IL3RA: variants seen among roughly 807,000 people sequenced by gnomAD.
IL3RA encodes interleukin 3 receptor subunit alpha.
In IL3RA, 73 loss-of-function variants were observed where a neutral mutation model predicts 52.3. The ratio of observed to expected loss-of-function variants is 1.40; its 90% confidence interval spans 1.16 to 1.70. The LOEUF is 1.70. IL3RA is among the 40% of genes most tolerant of loss of function. IL3RA has a pLI of 0.00. For missense variants in IL3RA, 664 were observed against 504.4 expected (o/e 1.32, Z -3.03); for synonymous variants, 260 against 194.0 (o/e 1.34, Z -2.83).
intron 6 of IL3RA, among the ~76,000 whole-genome samples, chrX:1,355,471 A>AGGAGGGGGAGGAGGGGGG (rs1394651269): frequency 1.9e-5 from 1 of 52,418 alleles, no homozygotes; most frequent in Non-Finnish European, 3.8e-5. Context: ...GAGGAGGGGG[A>AGGAGGGGGAGGAGGGGGG]GGAGGAGGAG....
chrX:1,368,046 T>A (rs1281315128), intron 9 of IL3RA, among the ~76,000 whole-genome samples: 49 of 151,886 alleles, frequency 3.2e-4, no homozygotes, highest in Admixed American at 3.1e-3. Flanking sequence ...GATCACAAGG[T>A]CAGGAGATCG....
intron 9 of IL3RA, among the ~76,000 whole-genome samples, chrX:1,378,079 G>A (rs1392248953): frequency 6.0e-5 from 9 of 150,514 alleles, no homozygotes; most frequent in Non-Finnish European, 8.9e-5. Flanking sequence ...CCAGCTACTC[G>A]GGAGGCAGGG....
intron 2 of IL3RA, among the ~76,000 whole-genome samples, chrX:1,344,600 C>A (rs2085645380): frequency 6.7e-6 from 1 of 150,254 alleles, no homozygotes; most frequent in African/African-American, 2.5e-5. Context: ...TGGTGAAACC[C>A]CATCTCTAGT....
chrX:1,376,945 A>C (rs7391982), intron 9 of IL3RA, among the ~76,000 whole-genome samples: 32,343 of 98,978 alleles, frequency 0.33, 2,033 homozygotes, highest in African/African-American at 0.43. Context: ...CCTGGATCTC[A>C]GACCTCCAGC....
chrX:1,366,600 CGCG>C (rs2088074533), intron 9 of IL3RA, among the ~76,000 whole-genome samples: 1 of 21,898 alleles, frequency 4.6e-5, no homozygotes, highest in Non-Finnish European at 6.7e-5. Context: ...GTGCGCGGTG[CGCG>C]GGGTGAGCGG....
At chrX:1,368,146 C>G (rs1422030347) in intron 9 of IL3RA, among the ~76,000 whole-genome samples, 1 of 152,144 alleles carries the variant, frequency 6.6e-6, no homozygotes, top group East Asian at 1.9e-4. Context: ...GTAGTCCCAG[C>G]TACTCGGGAG....
intron 2 of IL3RA, among the ~76,000 whole-genome samples, chrX:1,343,458 A>G (rs1465420505): frequency 1.3e-5 from 2 of 151,638 alleles, no homozygotes; most frequent in African/African-American, 4.8e-5. Flanking sequence ...TGAGGTCAGG[A>G]GTTCAAAACC....
At chrX:1,353,500 C>T (rs1345275785) in intron 6 of IL3RA, among the ~76,000 whole-genome samples, 1 of 150,966 alleles carries the variant, frequency 6.6e-6, no homozygotes, top group South Asian at 2.1e-4. Flanking sequence ...CATGGGACCC[C>T]CCATCATGGG....
intron 9 of IL3RA, among the ~76,000 whole-genome samples, chrX:1,377,109 G>A (rs1293245942): frequency 6.6e-6 from 1 of 151,946 alleles, no homozygotes; most frequent in Non-Finnish European, 1.5e-5. Flanking sequence ...GGGACACGGA[G>A]AAGACGGGGT....
At chrX:1,343,953 G>A (rs1169639413) in intron 2 of IL3RA, among the ~76,000 whole-genome samples, 3 of 151,486 alleles carry the variant, frequency 2.0e-5, no homozygotes, top group Admixed American at 6.6e-5. Flanking sequence ...CCGCCACCAC[G>A]CCCAACTAAT....
intron 7 of IL3RA, among the ~76,000 whole-genome samples, chrX:1,357,871 G>A (rs1323495840): frequency 2.7e-5 from 4 of 150,234 alleles, no homozygotes; most frequent in Non-Finnish European, 5.9e-5. Context: ...GGGAGGCCGA[G>A]GCAGGACGAT....
chrX:1,378,244 T>A (rs1321994928), intron 9 of IL3RA, among the ~76,000 whole-genome samples: 12 of 147,718 alleles, frequency 8.1e-5, no homozygotes. Flanking sequence ...AATTCCATGA[T>A]AAACACAAAA....
At chrX:1,352,000 T>C in intron 4 of IL3RA, 100 bp from the exon 5 acceptor site, 1 of 1,438,178 alleles carries the variant, frequency 7.0e-7, no homozygotes, top group Non-Finnish European at 9.4e-7. Flanking sequence ...CCTGACCTCA[T>C]GTGATCCACC....
rs189568278 is a variant in IL3RA, at chrX:1,344,083, C to T, written c.65-1233C>T. Among the ~76,000 whole-genome samples, 215 of 152,142 alleles carry T rather than the reference C, an allele frequency of 1.4e-3. 2 individuals are homozygous for T. Among genetic ancestry groups the T allele is most frequent in the Admixed American group, 0.01 (153 of 15,252 alleles). Reference sequence around the variant, plus strand: ...TGCTGGGATGACGGGCGTGAGCCACCACGCCCGTTTGCTTTATGACTTCTA... The same window carrying T: ...TGCTGGGATGACGGGCGTGAGCCACTACGCCCGTTTGCTTTATGACTTCTA... On this transcript the variant is annotated intron_variant, in intron 2 of 11. Transcript: ENST00000331035.
chrX:1,356,196 CTAA>C lies in IL3RA; in HGVS notation c.617-24_617-22del, dbSNP rs751407671. 1.2e-4 allele frequency: 164 copies of C among 1,362,676 alleles called. 1 individual carries two copies. The highest frequency in any genetic ancestry group is 1.6e-4 in the Non-Finnish European group (155 of 968,360). 84.4% of individuals were successfully genotyped at this position (1,362,676 alleles called of 1,614,324 possible). ...AATTGATTTCTTGTACTCCTAAATC[CTAA>C]AAGTGTTTTTCTCGTTGCTAGAGAT... On this transcript the variant is annotated intron_variant, in intron 6 of 11. Coordinates refer to ENST00000331035, the MANE Select transcript of IL3RA (RefSeq NM_002183.4).
intron 9 of IL3RA, among the ~76,000 whole-genome samples, chrX:1,377,593 C>G (rs1343161725): frequency 6.6e-6 from 1 of 151,954 alleles, no homozygotes; most frequent in African/African-American, 2.4e-5. Flanking sequence ...TTATGGCAGT[C>G]CCAGCAGACA....
intron 6 of IL3RA, 57 bp downstream of exon 6, chrX:1,352,563 C>T (rs2086153685): frequency 1.1e-5 from 17 of 1,556,378 alleles, no homozygotes; most frequent in Admixed American, 1.8e-5. Flanking sequence ...ACGGCTTTAG[C>T]GCCAGGCCAG....
rs762521479 is a variant in IL3RA at position 1,348,289 on chromosome X, G to GC, written c.184-141dup. ...AATGGCTTGAACCCGGGAGGGAGAG[G>GC]CTGCAGTGAGCCGAGATCACGCCAC... is the stretch of plus-strand genomic sequence containing the variant. On this transcript the variant is annotated intron_variant, in intron 3 of 11. Transcript: ENST00000331035. The GC allele has an allele frequency of 5.3e-4, 370 of 692,716 alleles. 3 individuals are homozygous for GC. In the African/African-American group the frequency reaches 6.0e-3, roughly 11 times the overall value. The allele number at this position is 692,716 out of a possible 1,614,324, so 42.9% of individuals were successfully genotyped here.
At chrX:1,364,215 GACGT>G (rs2087731725) in intron 8 of IL3RA, among the ~76,000 whole-genome samples, 1 of 150,116 alleles carries the variant, frequency 6.7e-6, no homozygotes, top group Non-Finnish European at 1.5e-5. Flanking sequence ...TTTTTGGCTG[GACGT>G]GGTGGCTCAC....
Sources: gnomAD v4.1 joint callset for allele counts (sites outside exome capture counted in the v4.1 genomes callset) on GRCh38, gnomAD v4.1.1 for gene constraint, MANE v1.5 for transcripts, NCBI Gene and HGNC (gene_info 2026-07-23, HGNC 2026-07-21) for gene names.